Variants in XAF1 observed in about 807,000 individuals in gnomAD.
XAF1 encodes XIAP associated factor 1, also known as XIAP-associated factor 1.
Under a neutral mutation model 32.3 loss-of-function variants are expected in XAF1, and 32 were observed. The observed-to-expected ratio is 0.99, with a 90% CI of 0.75 to 1.33. XAF1 has a LOEUF of 1.33. Ranked by LOEUF, XAF1 falls within the 40% of genes most tolerant of loss-of-function variation. The pLI is 0.00. For synonymous variants in XAF1, 120 were observed against 125.9 expected, an observed-to-expected ratio of 0.95 and a Z score of 0.31; for missense variants, 379 against 366.0, an observed-to-expected ratio of 1.04 and a Z score of -0.29.
In XAF1 at chr17:6,759,531, G is replaced by A. The variant is rs114774017; in HGVS notation, c.169-131G>A. 1.2e-3 allele frequency: 1,887 copies of A among 1,521,320 alleles called. 22 individuals are homozygous for A. The African/African-American group carries it at 0.021, about 17-fold the overall frequency. The allele number at this position is 1,521,320 out of a possible 1,614,324, so 94.2% of individuals were successfully genotyped here. A position where few individuals can be genotyped will look rare whatever the true frequency, so the allele number is the denominator to read the frequency against. ...AGAGAGACACTGAGGTAGCCACATC[G>A]GATCCCTGCCCTCTGGGAGTTCACA... On this transcript the variant is annotated intron_variant, in intron 2 of 6. Transcript: ENST00000361842.
intron 4 of XAF1, 175 bp from the exon 5 acceptor site, chr17:6,761,980 C>A: frequency 6.5e-7 from 1 of 1,532,068 alleles, no homozygotes; most frequent in Non-Finnish European, 8.7e-7. Context: ...GTGGGTGATT[C>A]GGCCAAGAGT....
At chr17:6,772,863 A>C in intron 6 of XAF1, 1 of 395,914 alleles carries the variant, frequency 2.5e-6, no homozygotes, top group Non-Finnish European at 4.5e-6. Flanking sequence ...TGGCTGCCTA[A>C]GATTCCATGG....
intron 4 of XAF1, 41 bp downstream of exon 4, chr17:6,760,642 G>T (rs1975122942): frequency 1.3e-6 from 2 of 1,569,678 alleles, no homozygotes; most frequent in South Asian, 1.2e-5. Flanking sequence ...CGTTCCAAGG[G>T]CCAGAGCCTT....
rs1440409745 is a variant in XAF1 at position 6,774,995 on chromosome 17, C to A, written c.*1826C>A. On this transcript the variant is annotated 3_prime_UTR_variant, in exon 7 of 7. Coordinates refer to ENST00000361842, the MANE Select transcript of XAF1 (RefSeq NM_017523.5). Reference sequence around the variant, plus strand: ...GGTGGTGGTTGCAGTGAGCCGAGATCCTGCCACTGCACTCCAGCCTGGGCA... The same window carrying A: ...GGTGGTGGTTGCAGTGAGCCGAGATACTGCCACTGCACTCCAGCCTGGGCA... The A allele has an allele frequency of 6.6e-6, 1 of 151,800 alleles. No homozygotes were observed. Among genetic ancestry groups the A allele is most frequent in the Non-Finnish European group, 1.5e-5 (1 of 68,026 alleles). The allele number at this position is 151,800 out of a possible 1,614,324, so 9.4% of individuals were successfully genotyped here.
chr17:6,764,752 T>C (rs1249980259), intron 5 of XAF1, among the ~76,000 whole-genome samples: 2 of 152,228 alleles, frequency 1.3e-5, no homozygotes, highest in Non-Finnish European at 2.9e-5. Context: ...ACATTTGAGC[T>C]AGTTGTCTAT....
rs536819812 is a variant in XAF1 at position 6,762,013 on chromosome 17, G to A, written c.422-142G>A. On this transcript the variant is annotated intron_variant, in intron 4 of 6. Coordinates refer to ENST00000361842, the MANE Select transcript of XAF1 (RefSeq NM_017523.5). ...AGTTGCCTGTGTGGTCAAGGATGCCGGCAGCGCAGGAAAGTCAAGACCAGG... is the reference window on the plus strand; with the variant it reads ...AGTTGCCTGTGTGGTCAAGGATGCCAGCAGCGCAGGAAAGTCAAGACCAGG... The A allele has an allele frequency of 4.3e-5, 67 of 1,541,446 alleles. No homozygotes were observed. The East Asian group carries it at 4.4e-4, about 10-fold the overall frequency.
intron 1 of XAF1, 169 bp downstream of exon 1, chr17:6,756,279 A>T: frequency 7.5e-5 from 86 of 1,144,734 alleles, no homozygotes; most frequent in Non-Finnish European, 8.7e-5. Flanking sequence ...AAACTTGGTA[A>T]TCTCTGGGTG....
At position 6,773,133 on chromosome 17, in the gene XAF1, T is replaced by C. The variant is rs1261873353; in HGVS notation, c.870T>C (p.Ala290=). 1 of 1,606,462 alleles carries C rather than the reference T, an allele frequency of 6.2e-7. No homozygotes were observed. Residue 290 remains alanine (A), a synonymous_variant, in exon 7 of 7, where the codon GCT becomes GCC. Transcript: ENST00000361842. Reference sequence around the variant, plus strand: ...CTTAGGAGAAATGCCGGTGGTTAGCTTCATCAAAAGGAAAACAAGTGAGAA... The same window carrying C: ...CTTAGGAGAAATGCCGGTGGTTAGCCTCATCAAAAGGAAAACAAGTGAGAA... The part of the protein sequence containing the change: ...NQHQEKCRWL[A]SSKGKQVRNF...
intron 5 of XAF1, among the ~76,000 whole-genome samples, chr17:6,769,002 A>G (rs1975819842): frequency 6.6e-6 from 1 of 151,828 alleles, no homozygotes; most frequent in African/African-American, 2.4e-5. Context: ...AACATAACAC[A>G]TGTATATTAA....
At chr17:6,760,648 G>C in intron 4 of XAF1, 47 bp downstream of exon 4, 5 of 1,558,356 alleles carry the variant, frequency 3.2e-6, no homozygotes, top group Non-Finnish European at 4.4e-6. Context: ...AAGGGCCAGA[G>C]CCTTTCCTGG....
chr17:6,756,842 C>T (rs573545108), intron 1 of XAF1, among the ~76,000 whole-genome samples: 3 of 152,246 alleles, frequency 2.0e-5, no homozygotes, highest in East Asian at 1.9e-4. Context: ...CAGTCCCTCT[C>T]GGAGCACGTC....
Position 6,773,101 on chromosome 17 carries a change from T to C in XAF1, c.850-12T>C, listed in dbSNP as rs1340053396. On this transcript the variant is annotated splice_polypyrimidine_tract_variant and intron_variant, in intron 6 of 6. Transcript: ENST00000361842. ...TTAACCATATCAAACTTTTTTTATA[T>C]CCATTTCTTAGGAGAAATGCCGGTG... 6.2e-7 allele frequency: 1 copy of C among 1,601,786 alleles called. No individual in the cohort carries two copies. Among genetic ancestry groups the C allele is most frequent in the Non-Finnish European group, 8.5e-7 (1 of 1,176,260 alleles).
chr17:6,761,867 G>C (rs1232748766), intron 4 of XAF1: 1 of 1,431,618 alleles, frequency 7.0e-7, no homozygotes, highest in Non-Finnish European at 9.3e-7. Flanking sequence ...CGTGGCTACA[G>C]CTCCATTCAT....
In XAF1 at chr17:6,775,228, G is replaced by C. The variant is rs571217117; in HGVS notation, c.*2059G>C. On this transcript the variant is annotated 3_prime_UTR_variant, in exon 7 of 7. Coordinates refer to ENST00000361842, the MANE Select transcript of XAF1 (RefSeq NM_017523.5). ...CTTATAAGTAGAAGCTAAACATTGA[G>C]TACACATGGATACAAAGAAGGGAAC... 7.9e-5 allele frequency: 12 copies of C among 152,222 alleles called. No individual in the cohort carries two copies. Among genetic ancestry groups the C allele is most frequent in the African/African-American group, 2.9e-4 (12 of 41,528 alleles). The allele number at this position is 152,222 out of a possible 1,614,324, so 9.4% of individuals were successfully genotyped here.
chr17:6,774,278 T>A lies in XAF1; in HGVS notation c.*1109T>A, dbSNP rs1976272062. 1 of 152,130 alleles carries A rather than the reference T, an allele frequency of 6.6e-6. No individual in the cohort carries two copies. The highest frequency in any genetic ancestry group is 1.5e-5 in the Non-Finnish European group (1 of 68,014). 9.4% of individuals were successfully genotyped at this position (152,130 alleles called of 1,614,324 possible). On this transcript the variant is annotated 3_prime_UTR_variant, in exon 7 of 7. Transcript: ENST00000361842. ...AAATAAAGCTACACACCTACAACCA[T>A]CTAATCTTTGACAAAGTTGACAAAA... is the stretch of plus-strand genomic sequence containing the variant.
rs185564140 is a variant in XAF1 at position 6,758,054 on chromosome 17, G to A, written c.33-35G>A. On this transcript the variant is annotated intron_variant, in intron 1 of 6. Coordinates refer to ENST00000361842, the MANE Select transcript of XAF1 (RefSeq NM_017523.5). ...TCCATGTTTTATAATATGAAAATAA[G>A]TCTATTTTTCTATCCCCACACCTTG... The A allele has an allele frequency of 1.1e-5, 17 of 1,613,318 alleles. 1 individual carries two copies. The East Asian group carries it at 3.1e-4, about 30-fold the overall frequency.
intron 4 of XAF1, 157 bp from the exon 5 acceptor site, chr17:6,761,998 G>A: frequency 2.6e-6 from 4 of 1,537,100 alleles, no homozygotes; most frequent in Non-Finnish European, 2.6e-6. Context: ...AGTTGCCTGT[G>A]TGGTCAAGGA....
intron 5 of XAF1, among the ~76,000 whole-genome samples, chr17:6,764,264 A>T (rs73356262): frequency 0.041 from 6,316 of 152,256 alleles, 393 homozygotes; most frequent in African/African-American, 0.14. Flanking sequence ...ATCCACACTC[A>T]CTTACTTTGC....
At chr17:6,759,207 T>C in intron 2 of XAF1, 2 of 1,042,058 alleles carry the variant, frequency 1.9e-6, no homozygotes, top group Non-Finnish European at 2.3e-6. Context: ...TTTTTCATGC[T>C]AATCTGAGTC....
Sources: allele counts gnomAD v4.1 joint callset (sites outside exome capture counted in the v4.1 genomes callset), GRCh38; gene constraint gnomAD v4.1.1; transcripts MANE v1.5; gene names NCBI Gene and HGNC (gene_info 2026-07-23, HGNC 2026-07-21).